SIRPD: variants seen among roughly 807,000 people sequenced by gnomAD.
SIRPD encodes signal regulatory protein delta.
Under a neutral mutation model 18.0 loss-of-function variants are expected in SIRPD, and 21 were observed. The observed-to-expected ratio is 1.17, with a 90% CI of 0.83 to 1.68. SIRPD has a LOEUF of 1.68. SIRPD is among the 40% of genes most tolerant of loss of function. The pLI is 0.00. For missense variants in SIRPD, 295 were observed against 238.4 expected (o/e 1.24, Z -1.56); for synonymous variants, 106 against 92.9 (o/e 1.14, Z -0.81).
At chr20:1,547,721 G>A (rs150219075) in intron 2 of SIRPD, among the ~76,000 whole-genome samples, 1,707 of 152,286 alleles carry the variant, frequency 0.011, 33 homozygotes, top group African/African-American at 0.039. Context: ...TGGATCTGTA[G>A]ACCAGTTTGG....
intron 2 of SIRPD, among the ~76,000 whole-genome samples, chr20:1,546,381 T>G (rs933917036): frequency 2.0e-5 from 3 of 152,256 alleles, no homozygotes; most frequent in Non-Finnish European, 4.4e-5. Flanking sequence ...ACTTAGCATA[T>G]GCTTTCAAGG....
intron 2 of SIRPD, among the ~76,000 whole-genome samples, chr20:1,542,020 C>CTGAT (rs1568666852): frequency 6.6e-6 from 1 of 152,128 alleles, no homozygotes; most frequent in East Asian, 1.9e-4. Flanking sequence ...ATATCAGTAC[C>CTGAT]ATGCTGTTTT....
At chr20:1,550,775 A>G (rs142382304) in intron 2 of SIRPD, among the ~76,000 whole-genome samples, 5 of 152,320 alleles carry the variant, frequency 3.3e-5, no homozygotes, top group Admixed American at 1.3e-4. Context: ...TCCCTGAGTT[A>G]GGTTCCTCAT....
intron 1 of SIRPD, among the ~76,000 whole-genome samples, chr20:1,552,366 A>G (rs2091023355): frequency 6.6e-6 from 1 of 152,166 alleles, no homozygotes; most frequent in Admixed American, 6.5e-5. Flanking sequence ...CTAATTGCCT[A>G]GAGTCACTCG....
At chr20:1,545,267 G>T (rs766173886) in intron 2 of SIRPD, among the ~76,000 whole-genome samples, 1 of 151,970 alleles carries the variant, frequency 6.6e-6, no homozygotes, top group Non-Finnish European at 1.5e-5. Flanking sequence ...ACGTAGGTTT[G>T]GTCTTTTCAA....
At chr20:1,550,530 AT>A (rs1453221939) in intron 2 of SIRPD, among the ~76,000 whole-genome samples, 5 of 152,330 alleles carry the variant, frequency 3.3e-5, no homozygotes, top group Non-Finnish European at 7.4e-5. Flanking sequence ...TCTTGGTAAC[AT>A]TAAGCCCTAA....
intron 2 of SIRPD, among the ~76,000 whole-genome samples, chr20:1,549,714 C>G (rs1377495348): frequency 1.3e-5 from 2 of 151,988 alleles, no homozygotes; most frequent in African/African-American, 4.8e-5. Flanking sequence ...AATACTATTT[C>G]CAGAGCCTCT....
At chr20:1,550,380 G>C (rs2091013730) in intron 2 of SIRPD, among the ~76,000 whole-genome samples, 1 of 152,216 alleles carries the variant, frequency 6.6e-6, no homozygotes, top group African/African-American at 2.4e-5. Context: ...GGAAGAAGCT[G>C]TCTTTCCACC....
chr20:1,548,340 C>T (rs1417766536), intron 2 of SIRPD, among the ~76,000 whole-genome samples: 1 of 150,940 alleles, frequency 6.6e-6, no homozygotes, highest in African/African-American at 2.4e-5. Flanking sequence ...TACCAAATTC[C>T]TTTTTTTTTA....
At chr20:1,556,611 C>G (rs1430511647) in intron 1 of SIRPD, among the ~76,000 whole-genome samples, 2 of 152,060 alleles carry the variant, frequency 1.3e-5, no homozygotes, top group Non-Finnish European at 2.9e-5. Flanking sequence ...GGTGCTAATC[C>G]AATATGGTGG....
At chr20:1,544,198 T>C (rs2090983564) in intron 2 of SIRPD, among the ~76,000 whole-genome samples, 1 of 152,218 alleles carries the variant, frequency 6.6e-6, no homozygotes, top group Non-Finnish European at 1.5e-5. Context: ...GTATCAAATA[T>C]TGACAGTGGG....
intron 2 of SIRPD, among the ~76,000 whole-genome samples, chr20:1,538,825 G>A (rs1288176256): frequency 6.6e-6 from 1 of 152,186 alleles, no homozygotes; most frequent in Admixed American, 6.5e-5. Context: ...ATCCCCAGGT[G>A]AGTTTCCCAA....
chr20:1,552,087 G>C lies in SIRPD; in HGVS notation c.74-49C>G, dbSNP rs1409095237. 10 of 1,504,522 alleles carry C rather than the reference G, an allele frequency of 6.6e-6. No homozygotes were observed. The East Asian group carries it at 1.8e-4, about 27-fold the overall frequency. 93.2% of individuals were successfully genotyped at this position (1,504,522 alleles called of 1,614,324 possible). A position where few individuals can be genotyped will look rare whatever the true frequency, so the allele number is the denominator to read the frequency against. On this transcript the variant is annotated intron_variant, in intron 1 of 3. Transcript: ENST00000381623. Reference sequence around the variant, plus strand: ...TCTCATTTCCCCTGTTCTGGCTTAAGCATGGGTACGGGTCACGGTTGGGCC... The same window carrying C: ...TCTCATTTCCCCTGTTCTGGCTTAACCATGGGTACGGGTCACGGTTGGGCC...
At chr20:1,537,416 A>G in intron 2 of SIRPD, 106 bp from the exon 3 acceptor site, 1 of 1,304,400 alleles carries the variant, frequency 7.7e-7, no homozygotes, top group Non-Finnish European at 1.1e-6. Context: ...AGATTGTGAA[A>G]TAGGAATCAG....
chr20:1,546,136 G>C (rs925984685), intron 2 of SIRPD, among the ~76,000 whole-genome samples: 1 of 152,218 alleles, frequency 6.6e-6, no homozygotes, highest in Admixed American at 6.5e-5. Flanking sequence ...CCTTAGCAGA[G>C]CTCAAGCGCT....
intron 3 of SIRPD, among the ~76,000 whole-genome samples, chr20:1,536,461 T>G (rs1273162595): frequency 6.6e-6 from 1 of 151,462 alleles, no homozygotes; most frequent in African/African-American, 2.4e-5. Flanking sequence ...GGACTCTAAA[T>G]TGAGATGTTA....
intron 2 of SIRPD, among the ~76,000 whole-genome samples, chr20:1,544,919 C>A (rs1207173465): frequency 6.6e-6 from 1 of 152,120 alleles, no homozygotes; most frequent in Non-Finnish European, 1.5e-5. Context: ...AAATTCTTTT[C>A]TTTAAGAATG....
At chr20:1,540,823 T>G (rs6079531) in intron 2 of SIRPD, among the ~76,000 whole-genome samples, 74,501 of 151,916 alleles carry the variant, frequency 0.49, 20,040 homozygotes, top group East Asian at 0.78. Context: ...TGGTGTGTGA[T>G]GTTCTCCTCC....
At chr20:1,538,668 G>A (rs1226235333) in intron 2 of SIRPD, among the ~76,000 whole-genome samples, 1 of 152,168 alleles carries the variant, frequency 6.6e-6, no homozygotes, top group Non-Finnish European at 1.5e-5. Flanking sequence ...CTATGAGGAA[G>A]CCCAAACTAG....
Sources: gnomAD v4.1 joint callset for allele counts (sites outside exome capture counted in the v4.1 genomes callset) on GRCh38, gnomAD v4.1.1 for gene constraint, MANE v1.5 for transcripts, NCBI Gene and HGNC (gene_info 2026-07-23, HGNC 2026-07-21) for gene names.